The following ERBB4 variants were observed in gnomAD, a reference collection of about 807,000 sequenced individuals.
ERBB4 encodes receptor tyrosine-protein kinase erbB-4.
A neutral mutation model predicts 158.0 loss-of-function variants in ERBB4; 42 were observed. The ratio of observed to expected loss-of-function variants is 0.27; its 90% CI spans 0.21 to 0.34. ERBB4 has a LOEUF of 0.34. ERBB4 is among the 10% of genes least tolerant of loss of function. The pLI, the probability that ERBB4 is intolerant of heterozygous loss-of-function variation, is 1.00. For synonymous variants in ERBB4, 583 were observed against 558.7 expected (o/e 1.04, Z -0.61); for missense variants, 1,333 against 1,624.1 (o/e 0.82, Z 3.08).
intron 4 of ERBB4, among the ~76,000 whole-genome samples, chr2:211,776,233 G>A (rs1263816737): frequency 6.6e-6 from 1 of 152,146 alleles, no homozygotes; most frequent in Non-Finnish European, 1.5e-5. Flanking sequence ...TTACAACTTA[G>A]CTTTATTGAG....
intron 1 of ERBB4, among the ~76,000 whole-genome samples, chr2:212,190,921 C>T (rs2082169713): frequency 6.6e-6 from 1 of 152,086 alleles, no homozygotes. Flanking sequence ...CTCACAAACA[C>T]ATATAATATC....
At chr2:211,823,156 T>G (rs2077029967) in intron 3 of ERBB4, among the ~76,000 whole-genome samples, 1 of 152,000 alleles carries the variant, frequency 6.6e-6, no homozygotes, top group Non-Finnish European at 1.5e-5. Context: ...CAACAACAGA[T>G]TCATAAGAAT....
intron 1 of ERBB4, among the ~76,000 whole-genome samples, chr2:212,146,974 G>A (rs1439427018): frequency 7.2e-6 from 1 of 138,932 alleles, no homozygotes; most frequent in Non-Finnish European, 1.5e-5. Context: ...AAGCTCTGTT[G>A]TCATTGTTAG....
At chr2:211,475,856 A>T (rs947718555) in intron 20 of ERBB4, among the ~76,000 whole-genome samples, 4 of 152,164 alleles carry the variant, frequency 2.6e-5, no homozygotes, top group Non-Finnish European at 4.4e-5. Context: ...ATTTGAATTT[A>T]TCTGTAGTAG....
chr2:212,223,130 A>G (rs921416847), intron 1 of ERBB4, among the ~76,000 whole-genome samples: 2 of 151,434 alleles, frequency 1.3e-5, no homozygotes, highest in African/African-American at 2.4e-5. Flanking sequence ...ACATATATCC[A>G]TTATTTATCT....
At chr2:211,422,597 A>G (rs1341889969) in intron 23 of ERBB4, among the ~76,000 whole-genome samples, 1 of 151,760 alleles carries the variant, frequency 6.6e-6, no homozygotes, top group Non-Finnish European at 1.5e-5. Context: ...ACTATCAGCA[A>G]TTTTCAAGGT....
At chr2:211,442,659 ATATG>A (rs965419274) in intron 20 of ERBB4, among the ~76,000 whole-genome samples, 50 of 151,958 alleles carry the variant, frequency 3.3e-4, no homozygotes, top group South Asian at 1.0e-3. Flanking sequence ...TGTGTGTGTT[ATATG>A]TATGTATGTA....
intron 1 of ERBB4, among the ~76,000 whole-genome samples, chr2:212,221,596 CT>C (rs1305105940): frequency 2.0e-5 from 3 of 151,508 alleles, no homozygotes; most frequent in African/African-American, 7.2e-5. Context: ...TTTAAAGGTC[CT>C]CCCCCTGTTG....
chr2:212,319,793 A>G (rs73068270), intron 1 of ERBB4, among the ~76,000 whole-genome samples: 7,369 of 150,370 alleles, frequency 0.049, 700 homozygotes, highest in African/African-American at 0.17. Flanking sequence ...GTATCTCTTT[A>G]TGTAAACAAT....
intron 1 of ERBB4, among the ~76,000 whole-genome samples, chr2:212,165,646 C>G (rs1012435198): frequency 6.6e-6 from 1 of 151,994 alleles, no homozygotes; most frequent in Non-Finnish European, 1.5e-5. Flanking sequence ...CTTCCCGCAT[C>G]TTTATACCAT....
chr2:212,013,182 A>G (rs2076432438), intron 2 of ERBB4, among the ~76,000 whole-genome samples: 1 of 151,840 alleles, frequency 6.6e-6, no homozygotes, highest in African/African-American at 2.4e-5. Context: ...TCAGCCTCTC[A>G]AGTAGCTAGG....
intron 1 of ERBB4, among the ~76,000 whole-genome samples, chr2:212,443,183 G>A (rs1048438836): frequency 2.6e-5 from 4 of 152,190 alleles, no homozygotes; most frequent in African/African-American, 7.2e-5. Context: ...TACCTCAGGG[G>A]TTTATCAATT....
intron 3 of ERBB4, among the ~76,000 whole-genome samples, chr2:211,873,066 A>T (rs2106120062): frequency 6.7e-6 from 1 of 150,182 alleles, no homozygotes; most frequent in South Asian, 2.1e-4. Flanking sequence ...TATTCCTTAA[A>T]ATATGATGGG....
At chr2:211,595,276 T>C (rs151084734) in intron 19 of ERBB4, among the ~76,000 whole-genome samples, 240 of 152,304 alleles carry the variant, frequency 1.6e-3, no homozygotes, top group African/African-American at 5.6e-3. Context: ...CTGAAGATTA[T>C]TTGGCAAGAC....
intron 15 of ERBB4, among the ~76,000 whole-genome samples, chr2:211,664,451 G>A (rs1054859655): frequency 2.6e-5 from 4 of 152,002 alleles, no homozygotes; most frequent in African/African-American, 9.7e-5. Flanking sequence ...GTAGGAGGAT[G>A]GCAAATGTAA....
At chr2:212,437,384 A>T (rs1164271060) in intron 1 of ERBB4, among the ~76,000 whole-genome samples, 4 of 151,802 alleles carry the variant, frequency 2.6e-5, no homozygotes, top group Non-Finnish European at 5.9e-5. Context: ...CAGATGGCTT[A>T]TGTAGCAATT....
intron 1 of ERBB4, among the ~76,000 whole-genome samples, chr2:212,514,030 T>C (rs1228442297): frequency 6.6e-6 from 1 of 152,116 alleles, no homozygotes; most frequent in African/African-American, 2.4e-5. Flanking sequence ...GTCATCTAAA[T>C]TTCATAACAA....
Position 211,676,619 on chromosome 2 carries a change from C to T in ERBB4, c.1622+2433G>A, listed in dbSNP as rs188178810. On this transcript the variant is annotated intron_variant, in intron 13 of 27. Transcript: ENST00000342788. ...AAAAATCAGATACCTTACGTTCTAG[C>T]ATTGGCTTGAGTCCTATATAGTGTT... 2.5e-3 allele frequency among the ~76,000 whole-genome samples: 377 copies of T among 152,274 alleles called. 2 individuals carry two copies. Among genetic ancestry groups the T allele is most frequent in the African/African-American group, 8.7e-3 (362 of 41,550 alleles).
At chr2:211,764,769 T>G (rs942973814) in intron 4 of ERBB4, among the ~76,000 whole-genome samples, 1 of 152,088 alleles carries the variant, frequency 6.6e-6, no homozygotes, top group African/African-American at 2.4e-5. Context: ...CCAAAATATA[T>G]TAGAACACAC....
Sources: gnomAD v4.1 joint callset for allele counts (sites outside exome capture counted in the v4.1 genomes callset) on GRCh38, gnomAD v4.1.1 for gene constraint, MANE v1.5 for transcripts, NCBI Gene and HGNC (gene_info 2026-07-23, HGNC 2026-07-21) for gene names.